EYS: variants seen among roughly 807,000 people sequenced by gnomAD.
EYS encodes the protein EGF-like photoreceptor maintenance factor, also known as protein eyes shut homolog.
Under a neutral mutation model 282.1 loss-of-function variants are expected in EYS, and 250 were observed. The observed-to-expected ratio is 0.89, with a 90% confidence interval of 0.80 to 0.98. The LOEUF (loss-of-function observed/expected upper bound fraction) is 0.98. Ranked by LOEUF, EYS falls within the 50% of genes least tolerant of loss-of-function variation. The pLI, the probability that EYS is intolerant of heterozygous loss-of-function variation, is 0.00. For synonymous variants in EYS, 1,355 were observed against 1,282.9 expected (o/e 1.06, Z -1.20); for missense variants, 4,016 against 3,709.0 (o/e 1.08, Z -2.15).
At chr6:65,275,889 G>A (rs1390656993) in intron 12 of EYS, among the ~76,000 whole-genome samples, 1 of 152,078 alleles carries the variant, frequency 6.6e-6, no homozygotes, top group Non-Finnish European at 1.5e-5. Flanking sequence ...TTTGCCTTCT[G>A]TGCATGCACT....
At chr6:64,609,196 T>C (rs1767028730) in intron 24 of EYS, among the ~76,000 whole-genome samples, 1 of 152,174 alleles carries the variant, frequency 6.6e-6, no homozygotes, top group African/African-American at 2.4e-5. Context: ...TTTTTCTGTG[T>C]ACCTAAAGCT....
At chr6:64,081,346 T>C (rs1218652678) in intron 32 of EYS, among the ~76,000 whole-genome samples, 3 of 152,148 alleles carry the variant, frequency 2.0e-5, no homozygotes, top group African/African-American at 7.2e-5. Flanking sequence ...TGCATAATAA[T>C]GCAGAGAACT....
chr6:64,095,998 T>A (rs1772596214), intron 31 of EYS, among the ~76,000 whole-genome samples: 1 of 152,050 alleles, frequency 6.6e-6, no homozygotes, highest in Admixed American at 6.6e-5. Flanking sequence ...GTATTTTATT[T>A]CTCCACTTAT....
chr6:64,509,350 G>A (rs371068665), intron 26 of EYS, among the ~76,000 whole-genome samples: 3 of 152,096 alleles, frequency 2.0e-5, no homozygotes, highest in African/African-American at 7.2e-5. Flanking sequence ...CTCTTGATAT[G>A]TAGTCTGAGG....
intron 5 of EYS, among the ~76,000 whole-genome samples, chr6:65,485,738 G>C (rs561455844): frequency 1.8e-3 from 275 of 152,254 alleles, no homozygotes; most frequent in African/African-American, 6.4e-3. Flanking sequence ...TTTGGAGGCG[G>C]AGGTTGCAGT....
intron 12 of EYS, among the ~76,000 whole-genome samples, chr6:65,232,370 T>G (rs960506492): frequency 3.9e-5 from 6 of 152,118 alleles, no homozygotes; most frequent in Non-Finnish European, 8.8e-5. Flanking sequence ...ACCACTGTGA[T>G]CTACTGTATT....
chr6:64,504,670 A>G (rs1053274254), intron 26 of EYS, among the ~76,000 whole-genome samples: 3 of 152,210 alleles, frequency 2.0e-5, no homozygotes, highest in Admixed American at 1.3e-4. Flanking sequence ...GTGTTTCATC[A>G]TAAGTAAATA....
chr6:64,112,310 A>G (rs1355350053), intron 31 of EYS, among the ~76,000 whole-genome samples: 2 of 152,076 alleles, frequency 1.3e-5, no homozygotes, highest in African/African-American at 4.8e-5. Context: ...TTCACAGCCA[A>G]GAAAGCTGTT....
intron 22 of EYS, among the ~76,000 whole-genome samples, chr6:64,687,252 A>G (rs1302454015): frequency 6.6e-6 from 1 of 152,102 alleles, no homozygotes; most frequent in Non-Finnish European, 1.5e-5. Context: ...TATGATTACA[A>G]ACCAATATTT....
chr6:64,894,734 G>A (rs1345397342), intron 18 of EYS, among the ~76,000 whole-genome samples: 1 of 152,114 alleles, frequency 6.6e-6, no homozygotes, highest in Admixed American at 6.6e-5. Flanking sequence ...GTGAAAGAAA[G>A]ATATTCAGAC....
At position 64,212,140 on chromosome 6, in the gene EYS, T is replaced by TA. The variant is rs916200727; in HGVS notation, c.6424+18451dup. On this transcript the variant is annotated intron_variant, in intron 31 of 42. Coordinates refer to ENST00000503581, the MANE Select transcript of EYS (RefSeq NM_001142800.2). ...CAAATAATAATAATAATTAATAATT[T>TA]AAAAAATATAGCTTAAGAGAAGTAA... Among the ~76,000 whole-genome samples, 3 of 151,856 alleles carry TA rather than the reference T, an allele frequency of 2.0e-5. No individual in the cohort carries two copies. In the South Asian group the frequency reaches 6.2e-4, roughly 31 times the overall value.
At chr6:65,392,495 T>A (rs1766084426) in intron 7 of EYS, among the ~76,000 whole-genome samples, 1 of 151,804 alleles carries the variant, frequency 6.6e-6, no homozygotes, top group Non-Finnish European at 1.5e-5. Flanking sequence ...AACAACCCCA[T>A]CAAAAAGTGG....
intron 30 of EYS, among the ~76,000 whole-genome samples, chr6:64,262,077 T>C (rs1767608946): frequency 6.6e-6 from 1 of 152,090 alleles, no homozygotes; most frequent in African/African-American, 2.4e-5. Context: ...ATTACTTGTA[T>C]AAGTCCCATT....
chr6:64,778,408 T>C (rs1312486802), intron 22 of EYS, among the ~76,000 whole-genome samples: 1 of 152,196 alleles, frequency 6.6e-6, no homozygotes, highest in Non-Finnish European at 1.5e-5. Flanking sequence ...TAACCCAAGA[T>C]ATCCATCAGG....
rs189938569 is a variant in EYS, at chr6:65,297,505, G to A, written c.1767-1386C>T. Among the ~76,000 whole-genome samples, 911 of 152,064 alleles carry A rather than the reference G, an allele frequency of 6.0e-3. 7 individuals are homozygous for A. Among genetic ancestry groups the A allele is most frequent in the South Asian group, 0.034 (162 of 4,822 alleles). On this transcript the variant is annotated intron_variant, in intron 11 of 42. Transcript: ENST00000503581. ...GTCAAGGATCACTGAGATTATTAAC[G>A]GTAGGAAGTGTAGTGGATGCTTTGA... is the stretch of plus-strand genomic sequence containing the variant.
At chr6:64,342,553 C>T (rs1771164888) in intron 29 of EYS, among the ~76,000 whole-genome samples, 1 of 151,940 alleles carries the variant, frequency 6.6e-6, no homozygotes, top group Non-Finnish European at 1.5e-5. Context: ...CCTAAAAGAG[C>T]TCCTGAAGGA....
intron 30 of EYS, among the ~76,000 whole-genome samples, chr6:64,289,993 A>C (rs796759531): frequency 1.1e-4 from 17 of 152,222 alleles, no homozygotes; most frequent in African/African-American, 4.1e-4. Context: ...ATTATCTGAT[A>C]GACTTAAAGG....
At chr6:65,458,177 C>G (rs529273281) in intron 5 of EYS, among the ~76,000 whole-genome samples, 61 of 152,304 alleles carry the variant, frequency 4.0e-4, no homozygotes, top group African/African-American at 1.5e-3. Flanking sequence ...ATCCTCTACT[C>G]TTGTCATTCA....
intron 2 of EYS, among the ~76,000 whole-genome samples, chr6:65,605,470 C>A (rs900623849): frequency 6.6e-6 from 1 of 151,652 alleles, no homozygotes; most frequent in Non-Finnish European, 1.5e-5. Flanking sequence ...ATTTGTACAG[C>A]CTTTTAGAAA....
Sources: allele counts gnomAD v4.1 joint callset (sites outside exome capture counted in the v4.1 genomes callset), GRCh38; gene constraint gnomAD v4.1.1; transcripts MANE v1.5; gene names NCBI Gene and HGNC (gene_info 2026-07-23, HGNC 2026-07-21).